The following SRFBP1 variants were observed in gnomAD, a reference collection of about 807,000 sequenced individuals.
SRFBP1 encodes the protein serum response factor binding protein 1.
Under a neutral mutation model 45.5 loss-of-function variants are expected in SRFBP1, and 47 were observed. That is an observed-to-expected ratio of 1.03 (90% confidence interval 0.82 to 1.32). The LOEUF is 1.32. Among genes scored for constraint, SRFBP1 ranks in the 40% most tolerant of loss-of-function variants. The probability of loss-of-function intolerance (pLI) is 0.00; values close to 1 mark genes in which losing one functional copy is unlikely to be tolerated. For missense variants in SRFBP1, 621 were observed against 484.6 expected (o/e 1.28, Z -2.64); for synonymous variants, 203 against 166.3 (o/e 1.22, Z -1.70).
At position 121,996,878 on chromosome 5, in the gene SRFBP1, C is replaced by A. The variant is rs1005352161; in HGVS notation, c.270+2208C>A. 2.6e-3 allele frequency among the ~76,000 whole-genome samples: 382 copies of A among 147,572 alleles called. 15 individuals are homozygous for A. The highest frequency in any genetic ancestry group is 8.0e-3 in the African/African-American group (304 of 38,158). ...ATTCTTATACACCAACAACAGACAA[C>A]CAGAGAGCCAAATCATGAGTGCACT... On this transcript the variant is annotated intron_variant, in intron 4 of 7. Transcript: ENST00000339397.
At chr5:121,963,730 T>A (rs1752000514) in intron 1 of SRFBP1, among the ~76,000 whole-genome samples, 1 of 152,126 alleles carries the variant, frequency 6.6e-6, no homozygotes, top group Non-Finnish European at 1.5e-5. Flanking sequence ...ACTAGGTGAT[T>A]ACATGAATTT....
chr5:122,056,595 A>C (rs1301077587), intron 2 of SRFBP1, among the ~76,000 whole-genome samples: 1 of 152,198 alleles, frequency 6.6e-6, no homozygotes, highest in Non-Finnish European at 1.5e-5. Context: ...CTTGGTGTGG[A>C]ACATCATGAT....
intron 2 of SRFBP1, among the ~76,000 whole-genome samples, chr5:122,035,963 C>G (rs951098327): frequency 6.6e-6 from 1 of 152,202 alleles, no homozygotes; most frequent in Admixed American, 6.5e-5. Context: ...CAATACTCCT[C>G]TCCTACAGTG....
At chr5:122,021,469 G>C (rs1248486900) in intron 6 of SRFBP1, among the ~76,000 whole-genome samples, 1 of 151,856 alleles carries the variant, frequency 6.6e-6, no homozygotes, top group African/African-American at 2.4e-5. Context: ...TACAAGTCAG[G>C]GATAGTCTTT....
chr5:121,973,122 A>G (rs1235896705), intron 1 of SRFBP1, among the ~76,000 whole-genome samples: 2 of 151,646 alleles, frequency 1.3e-5, no homozygotes, highest in African/African-American at 4.9e-5. Flanking sequence ...TTTTTGTGCC[A>G]GGCACTCTTG....
At chr5:122,009,288 C>T (rs756576264) in intron 4 of SRFBP1, among the ~76,000 whole-genome samples, 2 of 152,004 alleles carry the variant, frequency 1.3e-5, no homozygotes, top group Non-Finnish European at 2.9e-5. Flanking sequence ...TTGGAGTGAG[C>T]TCTTTGTCAG....
chr5:122,037,146 C>A (rs932961464), intron 2 of SRFBP1, among the ~76,000 whole-genome samples: 3 of 152,294 alleles, frequency 2.0e-5, no homozygotes, highest in South Asian at 4.1e-4. Flanking sequence ...GATCCGCCCG[C>A]CTTGGCCTCC....
chr5:121,976,161 A>G lies in SRFBP1; in HGVS notation c.198+774A>G, dbSNP rs116601375. 4.1e-3 allele frequency among the ~76,000 whole-genome samples: 627 copies of G among 152,184 alleles called. 8 individuals carry two copies. The highest frequency in any genetic ancestry group is 0.015 in the African/African-American group (606 of 41,550). ...CTATTTTAATTGAGTTAAGTTATCA[A>G]AGATTCTCAGCCTTTCTTCCTTTTA... On this transcript the variant is annotated intron_variant, in intron 3 of 7. Transcript: ENST00000339397.
At chr5:121,997,563 T>TA (rs1190532300) in intron 4 of SRFBP1, among the ~76,000 whole-genome samples, 1 of 151,396 alleles carries the variant, frequency 6.6e-6, no homozygotes, top group Non-Finnish European at 1.5e-5. Flanking sequence ...ATAAAAACCC[T>TA]AGAAGAAAAC....
At position 122,019,308 on chromosome 5, in the gene SRFBP1, C is replaced by T; in HGVS notation, c.319C>T (p.Pro107Ser). Residue 107 changes from proline (P) to serine (S), a missense_variant, in exon 5 of 8, where the codon CCT becomes TCT. Physicochemically the swap from Pro to Ser is moderately conservative, Grantham distance 74. Transcript: ENST00000339397. ...AGCAATTGCCAGACTAGCAGTACAT[C>T]CTCTTCTGAAGAAAAAGATAGATGT... is the stretch of plus-strand genomic sequence containing the variant. Reference protein sequence around the residue: ...ERAIARLAVHPLLKKKIDVLK... With the variant: ...ERAIARLAVHSLLKKKIDVLK... The T allele has an allele frequency of 2.5e-6, 4 of 1,612,394 alleles. No homozygotes were observed. The highest frequency in any genetic ancestry group is 3.4e-6 in the Non-Finnish European group (4 of 1,179,084).
intron 4 of SRFBP1, among the ~76,000 whole-genome samples, chr5:122,011,315 T>G (rs986289518): frequency 6.6e-6 from 1 of 152,152 alleles, no homozygotes; most frequent in East Asian, 1.9e-4. Flanking sequence ...CCTTTTTTAT[T>G]TAATTTATTT....
chr5:121,987,823 A>C lies in SRFBP1; in HGVS notation c.199-6776A>C, dbSNP rs542068765. On this transcript the variant is annotated intron_variant, in intron 3 of 7. Transcript: ENST00000339397. ...TCCAAGTTGCTTTTTGTGTTTACCCAATCTCCCTTCCCACAGCACAATACA... is the reference window on the plus strand; with the variant it reads ...TCCAAGTTGCTTTTTGTGTTTACCCCATCTCCCTTCCCACAGCACAATACA... 2.6e-5 allele frequency among the ~76,000 whole-genome samples: 4 copies of C among 152,274 alleles called. No homozygotes were observed. The South Asian group carries it at 8.3e-4, about 32-fold the overall frequency.
At chr5:122,042,243 C>T (rs1344312506) in intron 2 of SRFBP1, among the ~76,000 whole-genome samples, 1 of 152,048 alleles carries the variant, frequency 6.6e-6, no homozygotes, top group African/African-American at 2.4e-5. Context: ...CAGAACTAAA[C>T]AATGTAACCT....
At chr5:121,979,967 G>A (rs917828262) in intron 3 of SRFBP1, among the ~76,000 whole-genome samples, 13 of 152,154 alleles carry the variant, frequency 8.5e-5, no homozygotes, top group African/African-American at 3.1e-4. Flanking sequence ...GCATTCTTCA[G>A]ATAAGGACCC....
At chr5:122,074,871 A>C (rs1218491421) in intron 2 of SRFBP1, among the ~76,000 whole-genome samples, 2 of 152,240 alleles carry the variant, frequency 1.3e-5, no homozygotes, top group Non-Finnish European at 2.9e-5. Context: ...ACACCCAGGC[A>C]AGTTACTAAG....
intron 2 of SRFBP1, among the ~76,000 whole-genome samples, chr5:122,054,676 A>G (rs77272333): frequency 6.6e-6 from 1 of 152,166 alleles, no homozygotes; most frequent in Non-Finnish European, 1.5e-5. Context: ...TGATTAAATT[A>G]ATATATTTAT....
chr5:122,073,441 T>C (rs979675197), intron 2 of SRFBP1, among the ~76,000 whole-genome samples: 1 of 152,222 alleles, frequency 6.6e-6, no homozygotes, highest in African/African-American at 2.4e-5. Flanking sequence ...GGCAACTTTT[T>C]AAAGTGCTTT....
intron 4 of SRFBP1, among the ~76,000 whole-genome samples, chr5:122,001,685 C>A (rs555039101): frequency 1.3e-4 from 20 of 151,774 alleles, no homozygotes; most frequent in Admixed American, 1.1e-3. Context: ...CCTCAGCCTC[C>A]CGAGTAGCTG....
chr5:122,067,206 C>T (rs1463106697), intron 2 of SRFBP1, among the ~76,000 whole-genome samples: 1 of 152,022 alleles, frequency 6.6e-6, no homozygotes, highest in African/African-American at 2.4e-5. Flanking sequence ...TCAAATATTA[C>T]TGTCTTTAAA....
Sources: gnomAD v4.1 joint callset for allele counts (sites outside exome capture counted in the v4.1 genomes callset) on GRCh38, gnomAD v4.1.1 for gene constraint, MANE v1.5 for transcripts, NCBI Gene and HGNC (gene_info 2026-07-23, HGNC 2026-07-21) for gene names.